The following GPHN variants were observed in gnomAD, a reference collection of about 807,000 sequenced individuals.
GPHN encodes gephyrin.
GPHN carries 17 observed loss-of-function variants against 95.5 expected under a neutral mutation model. The ratio of observed to expected loss-of-function variants is 0.18; its 90% confidence interval spans 0.12 to 0.27. The LOEUF (loss-of-function observed/expected upper bound fraction) is 0.27. GPHN is among the 10% of genes least tolerant of loss of function. The probability of loss-of-function intolerance (pLI) is 1.00; values close to 1 mark genes in which losing one functional copy is unlikely to be tolerated. For missense variants in GPHN, 660 were observed against 978.1 expected (o/e 0.67, Z 4.34); for synonymous variants, 320 against 322.5 (o/e 0.99, Z 0.08).
chr14:66,971,075 T>G (rs1251177669), intron 9 of GPHN, among the ~76,000 whole-genome samples: 1 of 152,212 alleles, frequency 6.6e-6, no homozygotes, highest in Admixed American at 6.5e-5. Context: ...GTGGCTGTAA[T>G]CCCATCACTT....
In GPHN at chr14:66,804,399, T is replaced by G. The variant is rs1385517104; in HGVS notation, c.202-20075T>G. Among the ~76,000 whole-genome samples, 4 of 152,242 alleles carry G rather than the reference T, an allele frequency of 2.6e-5. No individual in the cohort carries two copies. In the South Asian group the frequency reaches 8.3e-4, roughly 31 times the overall value. On this transcript the variant is annotated intron_variant, in intron 3 of 22. Transcript: ENST00000478722. ...GTCAGACTTACTTCCCTAGCAAGTCTTTGTTTTTCAATTATTATGAACAAT... is the reference window on the plus strand; with the variant it reads ...GTCAGACTTACTTCCCTAGCAAGTCGTTGTTTTTCAATTATTATGAACAAT...
the GPHN span, among the ~76,000 whole-genome samples, chr14:67,506,712 GT>G: frequency 1.3e-5 from 2 of 152,190 alleles, no homozygotes; most frequent in African/African-American, 2.4e-5. Context: ...TGGGCCAGGA[GT>G]GGTGGCTCAT....
At chr14:66,827,694 G>T (rs1596043564) in intron 4 of GPHN, among the ~76,000 whole-genome samples, 1 of 152,034 alleles carries the variant, frequency 6.6e-6, no homozygotes, top group South Asian at 2.1e-4. Flanking sequence ...CCTTTTACTT[G>T]TTTTGAAGTA....
chr14:66,787,946 C>T (rs1424270885), intron 3 of GPHN, among the ~76,000 whole-genome samples: 1 of 151,240 alleles, frequency 6.6e-6, no homozygotes, highest in Non-Finnish European at 1.5e-5. Context: ...AGGCCTTAGA[C>T]TCAACACAAA....
the GPHN span, among the ~76,000 whole-genome samples, chr14:67,530,476 A>T: frequency 6.6e-5 from 10 of 152,274 alleles, no homozygotes; most frequent in East Asian, 1.9e-3. Context: ...GTAGGAATTT[A>T]TTTTTTAAAC....
At chr14:67,706,898 C>T in the GPHN span, among the ~76,000 whole-genome samples, 3 of 152,138 alleles carry the variant, frequency 2.0e-5, no homozygotes, top group Non-Finnish European at 4.4e-5. Flanking sequence ...TAGCAAAGCT[C>T]ATTTTTAGAA....
chr14:67,627,747 C>T, the GPHN span, among the ~76,000 whole-genome samples: 1 of 152,158 alleles, frequency 6.6e-6, no homozygotes, highest in African/African-American at 2.4e-5. Flanking sequence ...TCAGCCTGGA[C>T]AATGTAGCAA....
chr14:67,110,594 T>C (rs1567345803), intron 14 of GPHN, among the ~76,000 whole-genome samples: 1 of 152,192 alleles, frequency 6.6e-6, no homozygotes, highest in Non-Finnish European at 1.5e-5. Flanking sequence ...TTGACATACC[T>C]TCCAGAGCAG....
intron 11 of GPHN, among the ~76,000 whole-genome samples, chr14:67,064,422 T>G (rs949538760): frequency 1.3e-5 from 2 of 152,210 alleles, no homozygotes; most frequent in Non-Finnish European, 2.9e-5. Flanking sequence ...TGCCAGGTTT[T>G]GGTATCAAGA....
At chr14:67,223,511 T>G in the GPHN span, among the ~76,000 whole-genome samples, 767 of 152,342 alleles carry the variant, frequency 5.0e-3, 3 homozygotes, top group Non-Finnish European at 7.1e-3. Flanking sequence ...GGGACTCATC[T>G]TCGACAATCT....
At chr14:67,679,095 G>C in the GPHN span, among the ~76,000 whole-genome samples, 1 of 152,136 alleles carries the variant, frequency 6.6e-6, no homozygotes, top group Non-Finnish European at 1.5e-5. Flanking sequence ...CAAGGGGCTG[G>C]CATCTGATGA....
chr14:67,431,835 C>T, the GPHN span, among the ~76,000 whole-genome samples: 1 of 152,160 alleles, frequency 6.6e-6, no homozygotes, highest in African/African-American at 2.4e-5. Context: ...GCAGTCAGTG[C>T]CCATACTCTA....
chr14:67,671,445 G>A, the GPHN span, among the ~76,000 whole-genome samples: 1 of 152,106 alleles, frequency 6.6e-6, no homozygotes, highest in Non-Finnish European at 1.5e-5. Flanking sequence ...AGAATCACTT[G>A]AACCCAGGAG....
the GPHN span, chr14:67,562,577 C>A: frequency 6.2e-7 from 1 of 1,612,176 alleles, no homozygotes; most frequent in Non-Finnish European, 8.5e-7. Flanking sequence ...ACCAAAGGTG[C>A]GGGCTCCTGG....
At chr14:66,944,726 G>T (rs982126619) in intron 8 of GPHN, among the ~76,000 whole-genome samples, 1 of 152,212 alleles carries the variant, frequency 6.6e-6, no homozygotes, top group East Asian at 1.9e-4. Flanking sequence ...GAAGAACTTC[G>T]TATTCTTATG....
chr14:67,010,347 G>A (rs934629009), intron 9 of GPHN, among the ~76,000 whole-genome samples: 2 of 151,250 alleles, frequency 1.3e-5, no homozygotes, highest in Non-Finnish European at 2.9e-5. Context: ...TCAGGATATC[G>A]AGACCATCCT....
chr14:66,891,531 A>G (rs184542740), intron 5 of GPHN, among the ~76,000 whole-genome samples: 21 of 152,216 alleles, frequency 1.4e-4, no homozygotes, highest in Non-Finnish European at 2.9e-4. Flanking sequence ...AGCTGAAACT[A>G]AAAAACTCTT....
chr14:66,702,609 C>T (rs369334744), intron 2 of GPHN, among the ~76,000 whole-genome samples: 25 of 152,090 alleles, frequency 1.6e-4, no homozygotes, highest in African/African-American at 4.6e-4. Context: ...ACAACAGCAT[C>T]GACAACAACA....
intron 2 of GPHN, among the ~76,000 whole-genome samples, chr14:66,764,988 C>A (rs2058909385): frequency 6.6e-6 from 1 of 152,078 alleles, no homozygotes; most frequent in African/African-American, 2.4e-5. Context: ...ATACTATCAA[C>A]CTGAACTACT....
Sources: gnomAD v4.1 joint callset for allele counts (sites outside exome capture counted in the v4.1 genomes callset) on GRCh38, gnomAD v4.1.1 for gene constraint, MANE v1.5 for transcripts, NCBI Gene and HGNC (gene_info 2026-07-23, HGNC 2026-07-21) for gene names.